PLCZ1: variants seen among roughly 807,000 people sequenced by gnomAD.
PLCZ1 encodes the protein 1-phosphatidylinositol 4,5-bisphosphate phosphodiesterase zeta-1.
In PLCZ1, 64 loss-of-function variants were observed where a neutral mutation model predicts 76.8. The ratio of observed to expected loss-of-function variants is 0.83; its 90% CI spans 0.68 to 1.03. The LOEUF (loss-of-function observed/expected upper bound fraction) is 1.03, where lower values mean the gene tolerates loss of function less well. PLCZ1 is among the 50% of genes least tolerant of loss of function. The pLI is 0.00. For missense variants in PLCZ1, 751 were observed against 713.7 expected (o/e 1.05, Z -0.60); for synonymous variants, 248 against 230.8 (o/e 1.07, Z -0.68).
chr12:18,713,087 G>A (rs1957531017), intron 5 of PLCZ1, 101 bp from the exon 6 acceptor site: 1 of 1,424,684 alleles, frequency 7.0e-7, no homozygotes, highest in Non-Finnish European at 9.7e-7. Flanking sequence ...TATAATAAAT[G>A]CATAAATGAG....
chr12:18,703,246 G>C (rs1486259896), intron 7 of PLCZ1, among the ~76,000 whole-genome samples: 1 of 152,054 alleles, frequency 6.6e-6, no homozygotes, highest in Non-Finnish European at 1.5e-5. Context: ...AAGAACCGTG[G>C]TCTTTCCATT....
chr12:18,717,538 T>C (rs1318498265), intron 5 of PLCZ1, among the ~76,000 whole-genome samples: 2 of 152,200 alleles, frequency 1.3e-5, no homozygotes, highest in Non-Finnish European at 2.9e-5. Context: ...TGATAACTTC[T>C]GAATTCCACA....
chr12:18,683,294 A>C lies in PLCZ1; in HGVS notation c.1772T>G (p.Met591Arg), dbSNP rs772949794. 3.1e-6 allele frequency: 5 copies of C among 1,612,614 alleles called. No individual in the cohort carries two copies. In the Admixed American group the frequency reaches 8.4e-5, roughly 27 times the overall value. Residue 591 changes from methionine to arginine, a missense_variant, in exon 15 of 15, where the codon ATG becomes AGG. By Grantham distance (91) the Met-to-Arg change is moderately conservative. Coordinates refer to ENST00000266505, the MANE Select transcript of PLCZ1 (RefSeq NM_033123.4). ...TGAAGCAGGCTCAAGGCTCTCACCC[A>C]TTCTGGAAAACAGAGGAATACGACG... ...GYRRIPLFSR[M>R]GESLEPASLF... is the part of the protein sequence containing the mutation.
chr12:18,709,146 T>A (rs937444464), intron 6 of PLCZ1, among the ~76,000 whole-genome samples: 7 of 152,172 alleles, frequency 4.6e-5, no homozygotes, highest in Non-Finnish European at 8.8e-5. Flanking sequence ...TCATAGTTTC[T>A]AATATTATAT....
At chr12:18,732,323 T>C (rs1277694921) in intron 3 of PLCZ1, among the ~76,000 whole-genome samples, 3 of 152,074 alleles carry the variant, frequency 2.0e-5, no homozygotes, top group Non-Finnish European at 4.4e-5. Context: ...AGCTAATTTT[T>C]TGTACTTTTT....
At chr12:18,652,933 CAGAG>C in the PLCZ1 span, among the ~76,000 whole-genome samples, 3 of 150,210 alleles carry the variant, frequency 2.0e-5, no homozygotes, top group South Asian at 2.1e-4. Context: ...CTGTCTCACA[CAGAG>C]AGAGAGAGAG....
intron 6 of PLCZ1, among the ~76,000 whole-genome samples, chr12:18,710,317 T>A (rs2137391446): frequency 6.6e-6 from 1 of 151,412 alleles, no homozygotes; most frequent in Non-Finnish European, 1.5e-5. Context: ...GCCATGCAAA[T>A]ATTTGGGAAG....
chr12:18,712,456 G>A (rs1266486665), intron 6 of PLCZ1, among the ~76,000 whole-genome samples: 1 of 152,090 alleles, frequency 6.6e-6, no homozygotes, highest in African/African-American at 2.4e-5. Flanking sequence ...CAATTGAAAT[G>A]ATGCATTGTT....
At chr12:18,718,838 C>T (rs1388132083) in intron 5 of PLCZ1, among the ~76,000 whole-genome samples, 2 of 152,138 alleles carry the variant, frequency 1.3e-5, no homozygotes. Context: ...TCTTATTCTG[C>T]ACTGTATCTG....
the PLCZ1 span, among the ~76,000 whole-genome samples, chr12:18,669,971 T>C: frequency 6.6e-6 from 1 of 152,034 alleles, no homozygotes; most frequent in Non-Finnish European, 1.5e-5. Context: ...CCCGGCCCTC[T>C]TCCTCTTCTT....
At chr12:18,711,957 G>C (rs995558306) in intron 6 of PLCZ1, among the ~76,000 whole-genome samples, 2 of 151,896 alleles carry the variant, frequency 1.3e-5, no homozygotes, top group African/African-American at 4.8e-5. Flanking sequence ...TATTTATTTT[G>C]TACTCCATTT....
chr12:18,698,540 C>T (rs1249995220), intron 10 of PLCZ1, among the ~76,000 whole-genome samples: 8 of 152,056 alleles, frequency 5.3e-5, no homozygotes, highest in East Asian at 1.9e-4. Context: ...TTTCAGAATC[C>T]GCATTCCCAA....
chr12:18,688,021 A>G, intron 13 of PLCZ1, 68 bp downstream of exon 13: 1 of 1,578,540 alleles, frequency 6.3e-7, no homozygotes, highest in Non-Finnish European at 8.6e-7. Flanking sequence ...AACTCTATCA[A>G]CATATAATTT....
At position 18,723,468 on chromosome 12, in the gene PLCZ1, T is replaced by C. The variant is rs756184469; in HGVS notation, c.210A>G (p.Arg70=). ...TGTTGAAAATCTCAATAATTTCTTCTCTGTGCGTGATAATTCGATAAATTG... is the reference window on the plus strand; with the variant it reads ...TGTTGAAAATCTCAATAATTTCTTCCCTGTGCGTGATAATTCGATAAATTG... ...FRAIYRIITH[R]EEIIEIFNTY... Residue 70 remains arginine (R), a synonymous_variant, in exon 4 of 15, where the codon AGA becomes AGG. Coordinates refer to ENST00000266505, the MANE Select transcript of PLCZ1 (RefSeq NM_033123.4). 1.2e-6 allele frequency: 2 copies of C among 1,613,114 alleles called. No homozygotes were observed. Among genetic ancestry groups the C allele is most frequent in the Non-Finnish European group, 1.7e-6 (2 of 1,179,478 alleles).
chr12:18,736,452 G>T (rs11044276), intron 2 of PLCZ1, 108 bp from the exon 3 acceptor site: 31 of 1,286,540 alleles, frequency 2.4e-5, no homozygotes, highest in Non-Finnish European at 4.2e-6. Context: ...TAAAGAATAT[G>T]TTTAAAGTAA....
chr12:18,687,941 G>A, intron 13 of PLCZ1, 148 bp downstream of exon 13: 1 of 920,774 alleles, frequency 1.1e-6, no homozygotes, highest in Non-Finnish European at 1.6e-6. Context: ...TGTTTTTGTT[G>A]CATATAACAT....
chr12:18,696,988 GT>G (rs1165723009), intron 10 of PLCZ1, among the ~76,000 whole-genome samples: 1 of 152,074 alleles, frequency 6.6e-6, no homozygotes, highest in Non-Finnish European at 1.5e-5. Flanking sequence ...CATATTCTTT[GT>G]GTTTCTTCTT....
chr12:18,723,176 G>A, intron 4 of PLCZ1, 135 bp downstream of exon 4: 1 of 712,898 alleles, frequency 1.4e-6, no homozygotes, highest in Non-Finnish European at 2.3e-6. Context: ...TTTTCTCAAA[G>A]ATATTTGACC....
chr12:18,683,491 G>C, intron 14 of PLCZ1, 167 bp from the exon 15 acceptor site: 1 of 1,481,984 alleles, frequency 6.7e-7, no homozygotes, highest in South Asian at 1.2e-5. Flanking sequence ...TTAAATATTT[G>C]CATTTTCTAT....
Sources: allele counts gnomAD v4.1 joint callset (sites outside exome capture counted in the v4.1 genomes callset), GRCh38; gene constraint gnomAD v4.1.1; transcripts MANE v1.5; gene names NCBI Gene and HGNC (gene_info 2026-07-23, HGNC 2026-07-21).